Variants in IL1RAPL1 observed in about 807,000 individuals in gnomAD.
IL1RAPL1 encodes interleukin 1 receptor accessory protein like 1.
IL1RAPL1 carries 3 observed loss-of-function variants against 48.4 expected under a neutral mutation model. The ratio of observed to expected loss-of-function variants is 0.06; its 90% confidence interval spans 0.03 to 0.16. The LOEUF (loss-of-function observed/expected upper bound fraction) is 0.16, where lower values mean the gene tolerates loss of function less well. Ranked by LOEUF, IL1RAPL1 falls within the 10% of genes least tolerant of loss-of-function variation. The pLI is 1.00. For missense variants in IL1RAPL1, 349 were observed against 530.6 expected, an observed-to-expected ratio of 0.66 and a Z score of 3.36; for synonymous variants, 185 against 187.7, an observed-to-expected ratio of 0.99 and a Z score of 0.12.
intron 6 of IL1RAPL1, among the ~76,000 whole-genome samples, chrX:29,695,595 G>GGT (rs1221831009): frequency 2.9e-5 from 2 of 68,522 alleles, no homozygotes; most frequent in Admixed American, 1.7e-4. Context: ...CTTGCAAGGT[G>GGT]GCGAGAGAGA....
At chrX:29,914,019 C>T (rs1236941260) in intron 6 of IL1RAPL1, among the ~76,000 whole-genome samples, 4 of 111,832 alleles carry the variant, frequency 3.6e-5, no homozygotes, top group Admixed American at 2.9e-4. Context: ...TTCTCTCCAC[C>T]GTCTTCTATT....
At position 29,298,502 on chromosome X, in the gene IL1RAPL1, T is replaced by C. The variant is rs369230306; in HGVS notation, c.362+15285T>C. On this transcript the variant is annotated intron_variant, in intron 3 of 10. Transcript: ENST00000378993. ...GAACCTCAACTTTCACATGTACTCT[T>C]GTCTAAAATTGCCTGAAATCTCAGA... Among the ~76,000 whole-genome samples, 39 of 112,053 alleles carry C rather than the reference T, an allele frequency of 3.5e-4. No homozygotes were observed. In the East Asian group the frequency reaches 7.3e-3, roughly 21 times the overall value.
At chrX:29,254,621 A>G (rs1366945819) in intron 2 of IL1RAPL1, among the ~76,000 whole-genome samples, 3 of 111,806 alleles carry the variant, frequency 2.7e-5, no homozygotes, top group Non-Finnish European at 5.7e-5. Flanking sequence ...GACTACTAGT[A>G]TGATGAAGCT....
intron 2 of IL1RAPL1, among the ~76,000 whole-genome samples, chrX:29,021,240 A>G (rs892526088): frequency 5.2e-5 from 5 of 96,120 alleles, no homozygotes; most frequent in East Asian, 3.5e-4. Context: ...AAAAAAAAAA[A>G]GAACAAAGAA....
intron 1 of IL1RAPL1, among the ~76,000 whole-genome samples, chrX:28,707,938 C>T (rs997103831): frequency 4.5e-5 from 5 of 111,303 alleles, no homozygotes; most frequent in South Asian, 3.8e-4. Flanking sequence ...TGTGTTAGTG[C>T]GGTTGGCAGA....
intron 6 of IL1RAPL1, among the ~76,000 whole-genome samples, chrX:29,814,032 A>T (rs887974247): frequency 6.3e-5 from 7 of 111,925 alleles, no homozygotes; most frequent in Non-Finnish European, 1.1e-4. Flanking sequence ...TACCATTGTT[A>T]ATAGTCCTGT....
chrX:28,620,946 G>C (rs767811274), intron 1 of IL1RAPL1, among the ~76,000 whole-genome samples: 2 of 111,186 alleles, frequency 1.8e-5, no homozygotes, highest in East Asian at 5.7e-4. Flanking sequence ...TCCACTTTCT[G>C]CTTTTGGGCC....
At chrX:28,885,358 C>A (rs1922604008) in intron 2 of IL1RAPL1, among the ~76,000 whole-genome samples, 1 of 110,762 alleles carries the variant, frequency 9.0e-6, no homozygotes, top group Non-Finnish European at 1.9e-5. Context: ...TTTCTTATAA[C>A]CCCAATGAAA....
intron 1 of IL1RAPL1, among the ~76,000 whole-genome samples, chrX:28,638,123 G>T (rs1241637691): frequency 9.0e-6 from 1 of 111,479 alleles, no homozygotes; most frequent in East Asian, 2.8e-4. Flanking sequence ...ACAATTTAAT[G>T]ATTTTTAAAC....
At chrX:29,132,376 T>C (rs1377541360) in intron 2 of IL1RAPL1, among the ~76,000 whole-genome samples, 1 of 112,298 alleles carries the variant, frequency 8.9e-6, no homozygotes. Context: ...TTCTATAATG[T>C]CATAGTGTAA....
chrX:29,330,900 C>T (rs1932879778), intron 3 of IL1RAPL1, among the ~76,000 whole-genome samples: 1 of 111,827 alleles, frequency 8.9e-6, no homozygotes, highest in Middle Eastern at 4.6e-3. Flanking sequence ...GGAGTGGTGG[C>T]TCACGTCTGT....
intron 1 of IL1RAPL1, among the ~76,000 whole-genome samples, chrX:28,776,863 C>T (rs1936367935): frequency 8.9e-6 from 1 of 111,822 alleles, no homozygotes. Context: ...TTATTACTTA[C>T]AGGCATTGAA....
chrX:28,820,954 C>T (rs1485116611), intron 2 of IL1RAPL1, among the ~76,000 whole-genome samples: 1 of 111,465 alleles, frequency 9.0e-6, no homozygotes, highest in Non-Finnish European at 1.9e-5. Context: ...TTACAGGTTT[C>T]CCCTTGTGAT....
chrX:29,069,793 G>C (rs951274360), intron 2 of IL1RAPL1, among the ~76,000 whole-genome samples: 9 of 111,581 alleles, frequency 8.1e-5, no homozygotes, highest in Non-Finnish European at 1.7e-4. Context: ...TTGTTCCCAA[G>C]ATGTAAGGCA....
At chrX:29,343,088 C>T (rs1933104960) in intron 3 of IL1RAPL1, among the ~76,000 whole-genome samples, 1 of 112,137 alleles carries the variant, frequency 8.9e-6, no homozygotes, top group Admixed American at 9.5e-5. Context: ...GTATTAATTA[C>T]TTGGGTAATC....
At chrX:29,693,670 T>C (rs1926835300) in intron 6 of IL1RAPL1, among the ~76,000 whole-genome samples, 1 of 112,343 alleles carries the variant, frequency 8.9e-6, no homozygotes, top group Admixed American at 9.4e-5. Flanking sequence ...GTGAGCAGTG[T>C]CATGTTTGCT....
At chrX:29,008,769 C>G (rs932809843) in intron 2 of IL1RAPL1, among the ~76,000 whole-genome samples, 1 of 110,087 alleles carries the variant, frequency 9.1e-6, no homozygotes, top group Non-Finnish European at 1.9e-5. Context: ...GATCTCATCA[C>G]TCAGGTACTG....
chrX:29,323,711 TTTTATATATATATATATATATATATA>T (rs1932820270), intron 3 of IL1RAPL1, among the ~76,000 whole-genome samples: 5 of 12,768 alleles, frequency 3.9e-4, no homozygotes, highest in African/African-American at 1.4e-3. Flanking sequence ...ATACTGAATT[TTTTATATATATATATATATATATATA>T]TATATATATA....
intron 1 of IL1RAPL1, among the ~76,000 whole-genome samples, chrX:28,590,964 T>A (rs1405726220): frequency 8.9e-6 from 1 of 112,376 alleles, no homozygotes; most frequent in Non-Finnish European, 1.9e-5. Context: ...AGCTGTTACT[T>A]TCTTTAGGAA....
Sources: gnomAD v4.1 joint callset for allele counts (sites outside exome capture counted in the v4.1 genomes callset) on GRCh38, gnomAD v4.1.1 for gene constraint, MANE v1.5 for transcripts, NCBI Gene and HGNC (gene_info 2026-07-23, HGNC 2026-07-21) for gene names.